Variants in MIS18A observed in about 807,000 individuals in gnomAD.
MIS18A encodes protein Mis18-alpha.
A neutral mutation model predicts 25.0 loss-of-function variants in MIS18A; 14 were observed. The observed-to-expected ratio is 0.56, with a 90% CI of 0.37 to 0.88. The LOEUF is 0.88. MIS18A is among the 40% of genes least tolerant of loss of function. MIS18A has a pLI of 0.00. For missense variants in MIS18A, 292 were observed against 290.8 expected (o/e 1.00, Z -0.03); for synonymous variants, 134 against 118.6 (o/e 1.13, Z -0.84).
the MIS18A span, among the ~76,000 whole-genome samples, chr21:32,219,562 C>T: frequency 6.6e-6 from 1 of 152,188 alleles, no homozygotes; most frequent in African/African-American, 2.4e-5. Flanking sequence ...TTTGCGCAGA[C>T]ACAGAGATAG....
At chr21:32,270,651 C>A (rs2031697497) in intron 2 of MIS18A, 122 bp from the exon 3 acceptor site, 6 of 1,038,174 alleles carry the variant, frequency 5.8e-6, no homozygotes, top group African/African-American at 1.7e-5. Flanking sequence ...CACACTAGGT[C>A]ATACATAAAG....
the MIS18A span, among the ~76,000 whole-genome samples, chr21:32,252,618 C>A: frequency 2.0e-5 from 3 of 152,178 alleles, no homozygotes; most frequent in South Asian, 6.2e-4. Flanking sequence ...CCAGCATACC[C>A]GCTGTCAGAA....
the MIS18A span, among the ~76,000 whole-genome samples, chr21:32,199,331 G>A: frequency 6.6e-6 from 1 of 152,030 alleles, no homozygotes. Context: ...TGGAGTGGGA[G>A]TTGGGGCTAC....
chr21:32,185,004 T>C, the MIS18A span, among the ~76,000 whole-genome samples: 1 of 152,118 alleles, frequency 6.6e-6, no homozygotes, highest in South Asian at 2.1e-4. Context: ...AGGTCTGTCA[T>C]AGATTCATCT....
At chr21:32,193,479 GGTAGA>G in the MIS18A span, among the ~76,000 whole-genome samples, 17 of 86,580 alleles carry the variant, frequency 2.0e-4, no homozygotes, top group African/African-American at 6.0e-4. Flanking sequence ...TAGATAGATA[GGTAGA>G]TAGATAGATA....
At chr21:32,201,783 C>T in the MIS18A span, among the ~76,000 whole-genome samples, 33 of 152,086 alleles carry the variant, frequency 2.2e-4, no homozygotes, top group Middle Eastern at 3.4e-3. Flanking sequence ...CATTGCACTC[C>T]AGCCTGGGTG....
the MIS18A span, among the ~76,000 whole-genome samples, chr21:32,196,403 C>T: frequency 1.3e-5 from 2 of 151,912 alleles, no homozygotes; most frequent in African/African-American, 4.8e-5. Context: ...TGGTTCCCAG[C>T]TTGCTGCCTG....
chr21:32,159,959 T>C, the MIS18A span, among the ~76,000 whole-genome samples: 1 of 152,142 alleles, frequency 6.6e-6, no homozygotes, highest in East Asian at 1.9e-4. Flanking sequence ...TGCCTGACTG[T>C]TAGTTGATTA....
intron 2 of MIS18A, 158 bp from the exon 3 acceptor site, chr21:32,270,687 T>G: frequency 1.4e-6 from 1 of 712,490 alleles, no homozygotes; most frequent in Non-Finnish European, 2.0e-6. Context: ...TAGTAAGATA[T>G]TTACAATAAA....
chr21:32,205,043 T>C, the MIS18A span, among the ~76,000 whole-genome samples: 9 of 152,002 alleles, frequency 5.9e-5, no homozygotes, highest in African/African-American at 2.2e-4. Context: ...CCTGGCAAGA[T>C]TGCCTTTGCC....
the MIS18A span, among the ~76,000 whole-genome samples, chr21:32,171,643 C>A: frequency 6.6e-6 from 1 of 151,956 alleles, no homozygotes; most frequent in Non-Finnish European, 1.5e-5. Context: ...ATACTGTAGG[C>A]AATTTTAATA....
the MIS18A span, chr21:32,156,405 C>T: frequency 1.3e-5 from 2 of 152,266 alleles, no homozygotes; most frequent in African/African-American, 4.8e-5. Flanking sequence ...GAAAAGTACT[C>T]ACAGTTTTTG....
At chr21:32,253,275 G>C in the MIS18A span, among the ~76,000 whole-genome samples, 1 of 152,128 alleles carries the variant, frequency 6.6e-6, no homozygotes, top group Non-Finnish European at 1.5e-5. Context: ...CAATGCTTCT[G>C]CATCCTATTG....
chr21:32,254,169 T>G, the MIS18A span, among the ~76,000 whole-genome samples: 2 of 151,978 alleles, frequency 1.3e-5, no homozygotes, highest in African/African-American at 4.8e-5. Context: ...AGGCGGAGGT[T>G]GCAGTGAGCC....
Position 32,278,682 on chromosome 21 carries a change from G to A in MIS18A, c.333C>T (p.Arg111=). The A allele has an allele frequency of 6.5e-7, 1 of 1,547,964 alleles. No individual in the cohort carries two copies. The highest frequency in any genetic ancestry group is 8.7e-7 in the Non-Finnish European group (1 of 1,151,814). The change falls in exon 1 of 5, where the codon CGC becomes CGT. Residue 111 remains arginine, a splice_region_variant and synonymous_variant. Coordinates refer to ENST00000290130, the MANE Select transcript of MIS18A (RefSeq NM_018944.3). ...SQEDTNCILL[R]CVSCNVSVDK... is the part of the protein sequence containing the mutation. ...CCTGCCCGGCTCGACCCAACTGACA[G>A]CGAAGCAGGATGCAGTTGGTGTCCT...
chr21:32,154,685 G>T, the MIS18A span, among the ~76,000 whole-genome samples: 1 of 147,768 alleles, frequency 6.8e-6, no homozygotes. Context: ...ACCGACTTTT[G>T]TGTTGCACCA....
the MIS18A span, among the ~76,000 whole-genome samples, chr21:32,169,613 A>G: frequency 6.6e-6 from 1 of 152,174 alleles, no homozygotes; most frequent in African/African-American, 2.4e-5. Flanking sequence ...GAGGCTTTGT[A>G]CAAGCAGGAA....
At chr21:32,266,543 G>A (rs12626728), downstream of MIS18A, among the ~76,000 whole-genome samples, 14 of 152,128 alleles carry the variant, frequency 9.2e-5, no homozygotes, top group East Asian at 2.5e-3. Flanking sequence ...CTTCACTCCT[G>A]AGCCCAGTGA....
chr21:32,198,506 A>G, the MIS18A span, among the ~76,000 whole-genome samples: 1 of 152,220 alleles, frequency 6.6e-6, no homozygotes, highest in Non-Finnish European at 1.5e-5. Flanking sequence ...CAGAGAAGGC[A>G]GGGTCCATGC....
Sources: gnomAD v4.1 joint callset for allele counts (sites outside exome capture counted in the v4.1 genomes callset) on GRCh38, gnomAD v4.1.1 for gene constraint, MANE v1.5 for transcripts, NCBI Gene and HGNC (gene_info 2026-07-23, HGNC 2026-07-21) for gene names.